NOP56: variants seen among roughly 807,000 people sequenced by gnomAD.
The protein encoded by NOP56 is nucleolar protein 56.
Under a neutral mutation model 58.3 loss-of-function variants are expected in NOP56, and 31 were observed. The ratio of observed to expected loss-of-function variants is 0.53; its 90% CI spans 0.40 to 0.72. The LOEUF is 0.72. Ranked by LOEUF, NOP56 falls within the 30% of genes least tolerant of loss-of-function variation. NOP56 has a pLI of 0.00. For synonymous variants in NOP56, 313 were observed against 282.8 expected, an observed-to-expected ratio of 1.11 and a Z score of -1.07; for missense variants, 669 against 739.9, an observed-to-expected ratio of 0.90 and a Z score of 1.11.
rs202001454 is a variant in NOP56 at position 2,657,332 on chromosome 20, C to A, written c.1419+114C>A. On this transcript the variant is annotated intron_variant, in intron 11 of 11. Transcript: ENST00000329276. ...TTGAGTCCAGGCTTTTGGACTGAAA[C>A]AAGGACCTGAAACATCTAAAACTAC... is the stretch of plus-strand genomic sequence containing the variant. 1.1e-3 allele frequency: 1,661 copies of A among 1,447,782 alleles called. 2 individuals are homozygous for A. Among genetic ancestry groups the A allele is most frequent in the Non-Finnish European group, 1.4e-3 (1,399 of 1,031,446 alleles). The allele number at this position is 1,447,782 out of a possible 1,614,324, so 89.7% of individuals were successfully genotyped here. A position where few individuals can be genotyped will look rare whatever the true frequency, so the allele number is the denominator to read the frequency against.
In NOP56 at chr20:2,653,326, T is replaced by G. The variant is rs769920013; in HGVS notation, c.141T>G (p.Arg47=). ...TGGGCAAATTCCACAGCATCGTTCG[T>G]CTGGTGGCCTTTTGTCCCTTTGCCT... The part of the protein sequence containing the change: ...LNLGKFHSIV[R]LVAFCPFASS... Residue 47 remains arginine, a synonymous_variant, in exon 3 of 12, where the codon CGT becomes CGG. Coordinates refer to ENST00000329276, the MANE Select transcript of NOP56 (RefSeq NM_006392.4). 6.2e-7 allele frequency: 1 copy of G among 1,614,080 alleles called. No individual in the cohort carries two copies. Among genetic ancestry groups the G allele is most frequent in the African/African-American group, 1.3e-5 (1 of 74,946 alleles).
In NOP56 at chr20:2,655,740, G is replaced by A. The variant is rs750766614; in HGVS notation, c.903G>A (p.Gly301=). Residue 301 remains glycine (G), a synonymous_variant, in exon 7 of 12, where the codon GGG becomes GGA. Transcript: ENST00000329276. ...CCCCCAGCCTGTCAGCCCTAATTGG[G>A]GAAGCGGTGCGTCACAGGGGACTCA... ...QVAPSLSALI[G]EAVGARLIAH... The A allele has an allele frequency of 2.5e-6, 4 of 1,614,070 alleles. No homozygotes were observed. In the East Asian group the frequency reaches 6.7e-5, roughly 27 times the overall value.
chr20:2,657,740 C>T, intron 11 of NOP56, 189 bp from the exon 12 acceptor site: 1 of 638,322 alleles, frequency 1.6e-6, no homozygotes, highest in East Asian at 2.7e-5. Context: ...GGTAATTTCT[C>T]ATGACATGTT....
In NOP56 at chr20:2,658,150, T is replaced by C. The variant is rs546429113; in HGVS notation, c.1641T>C (p.Pro547=). 4.0e-5 allele frequency: 64 copies of C among 1,613,598 alleles called. No individual in the cohort carries two copies. In the African/African-American group the frequency reaches 8.1e-4, roughly 21 times the overall value. The part of the protein sequence containing the change: ...STPKEETVND[P]EEAGHRSGSK... ...CCAAGGAGGAAACAGTTAATGACCC[T>C]GAGGAGGCAGGCCACAGAAGTGGCT... is the stretch of plus-strand genomic sequence containing the variant. The change falls in exon 12 of 12, where the codon CCT becomes CCC. Residue 547 remains proline (P), a synonymous_variant. Coordinates refer to ENST00000329276, the MANE Select transcript of NOP56 (RefSeq NM_006392.4).
Position 2,654,526 on chromosome 20 carries a change from G to C in NOP56, c.321G>C (p.Glu107Asp). The change falls in exon 4 of 12, where the codon GAG (glutamate) becomes GAC (aspartate). Residue 107 changes from glutamate to aspartate, a missense_variant. Coordinates refer to ENST00000329276, the MANE Select transcript of NOP56 (RefSeq NM_006392.4). Reference sequence around the variant, plus strand: ...AGATTGGTGCCGCAATACAGGAGGAGTTAGGGTACAACTGCCAGACTGGAG... The same window carrying C: ...AGATTGGTGCCGCAATACAGGAGGACTTAGGGTACAACTGCCAGACTGGAG... The part of the protein sequence containing the change: ...DPKIGAAIQE[E>D]LGYNCQTGGV... The C allele has an allele frequency of 6.2e-7, 1 of 1,614,258 alleles. No individual in the cohort carries two copies. Among genetic ancestry groups the C allele is most frequent in the Middle Eastern group, 1.6e-4 (1 of 6,062 alleles).
In NOP56 at chr20:2,658,311, C is replaced by T. The variant is rs1425435536; in HGVS notation, c.*17C>T. 1.2e-6 allele frequency: 2 copies of T among 1,600,150 alleles called. No individual in the cohort carries two copies. Among genetic ancestry groups the T allele is most frequent in the African/African-American group, 2.7e-5 (2 of 74,636 alleles). On this transcript the variant is annotated 3_prime_UTR_variant, in exon 12 of 12. Coordinates refer to ENST00000329276, the MANE Select transcript of NOP56 (RefSeq NM_006392.4). ...GAAGATTAGAATGCAAATGGACATT[C>T]TCTGGGAGGTGGGGCATACCATAGC...
At chr20:2,655,214 G>T (rs1194992621) in intron 5 of NOP56, 111 bp from the exon 6 acceptor site, 2 of 1,348,036 alleles carry the variant, frequency 1.5e-6, no homozygotes, top group African/African-American at 2.9e-5. Context: ...AGGAAGATTT[G>T]GATCTTTGTC....
Position 2,655,230 on chromosome 20 carries a change from TC to T in NOP56, c.570-93del, listed in dbSNP as rs758914430. The T allele has an allele frequency of 7.6e-6, 11 of 1,450,030 alleles. No homozygotes were observed. In the South Asian group the frequency reaches 1.3e-4, roughly 17 times the overall value. The allele number at this position is 1,450,030 out of a possible 1,614,324, so 89.8% of individuals were successfully genotyped here. On this transcript the variant is annotated intron_variant, in intron 5 of 11. Transcript: ENST00000329276. ...GGAAGATTTGGATCTTTGTCCCATT[TC>T]CTCCAGGCAGAGTAGGTGTGGAGAA...
chr20:2,656,036 TACCAGTGAGGGC>T lies in NOP56; in HGVS notation c.1010+6_1010+17del. The T allele has an allele frequency of 6.2e-7, 1 of 1,614,134 alleles. No individual in the cohort carries two copies. The highest frequency in any genetic ancestry group is 2.2e-5 in the East Asian group (1 of 44,884). On this transcript the variant is annotated splice_donor_5th_base_variant and intron_variant, in intron 8 of 11. Transcript: ENST00000329276. Reference sequence around the variant, plus strand: ...TGGGGCTGAAAAGGCCCTGTTCAGGTACCAGTGAGGGCACCTGCCCACAATCAGGTGCCACTT... The same window carrying T: ...TGGGGCTGAAAAGGCCCTGTTCAGGTACCTGCCCACAATCAGGTGCCACTT...
At position 2,657,175 on chromosome 20, in the gene NOP56, T is replaced by C; in HGVS notation, c.1376T>C (p.Leu459Pro). 6.2e-7 allele frequency: 1 copy of C among 1,614,098 alleles called. No individual in the cohort carries two copies. ...KEKKRLAALA[L>P]ASSENSSSTP... ...AAGAAACGGCTGGCTGCACTTGCCC[T>C]CGCGTCTTCAGAAAACAGCAGTAGT... Residue 459 changes from leucine (L) to proline (P), a missense_variant, in exon 11 of 12, where the codon CTC becomes CCC. Coordinates refer to ENST00000329276, the MANE Select transcript of NOP56 (RefSeq NM_006392.4).
chr20:2,655,925 T>C lies in NOP56; in HGVS notation c.910-9T>C, dbSNP rs762036035. 4 of 1,614,040 alleles carry C rather than the reference T, an allele frequency of 2.5e-6. No homozygotes were observed. Among genetic ancestry groups the C allele is most frequent in the Non-Finnish European group, 3.4e-6 (4 of 1,179,906 alleles). ...ATTTCTCTGACTGCTTCCTTGACTC[T>C]CTCTCCAGGTAGGTGCACGTCTCAT... On this transcript the variant is annotated splice_polypyrimidine_tract_variant and intron_variant, in intron 7 of 11. Coordinates refer to ENST00000329276, the MANE Select transcript of NOP56 (RefSeq NM_006392.4).
At chr20:2,652,703 G>C in intron 1 of NOP56, 40 bp downstream of exon 1, 2 of 1,475,170 alleles carry the variant, frequency 1.4e-6, no homozygotes, top group Non-Finnish European at 1.8e-6. Context: ...GCGACGGTGG[G>C]GGTTTCGGCC....
chr20:2,656,374 T>G (rs760404757), intron 8 of NOP56, 27 bp from the exon 9 acceptor site: 15 of 1,613,626 alleles, frequency 9.3e-6, no homozygotes, highest in Non-Finnish European at 3.4e-6. Flanking sequence ...TTTCTGATCT[T>G]AAACTCTCCA....
rs374848906 is a variant in NOP56, at chr20:2,654,595, T to G, written c.370+20T>G. The G allele has an allele frequency of 2.0e-5, 33 of 1,613,406 alleles. No individual in the cohort carries two copies. In the Admixed American group the frequency reaches 5.3e-4, roughly 26 times the overall value. ...TGCGAGGTGAGACCATCATCTGTTA[T>G]ATTCCTGTTATCCTGGACATTTTGG... On this transcript the variant is annotated intron_variant, in intron 4 of 11. Transcript: ENST00000329276.
At chr20:2,654,143 A>G (rs1432893352) in intron 3 of NOP56, 12 of 673,022 alleles carry the variant, frequency 1.8e-5, no homozygotes, top group Non-Finnish European at 2.8e-5. Context: ...GGTGTGTTAC[A>G]AGCTATTATT....
chr20:2,656,644 T>G, intron 9 of NOP56, 95 bp downstream of exon 9: 2 of 1,607,338 alleles, frequency 1.2e-6, no homozygotes, highest in Non-Finnish European at 1.7e-6. Context: ...GGCAATATTT[T>G]TCGTCAACAG....
At position 2,655,789 on chromosome 20, in the gene NOP56, G is replaced by C. The variant is rs778320098; in HGVS notation, c.909+43G>C. On this transcript the variant is annotated intron_variant, in intron 7 of 11. Coordinates refer to ENST00000329276, the MANE Select transcript of NOP56 (RefSeq NM_006392.4). ...CAAAAATGGGAGAATAAGGACTGTT[G>C]CCATGTGCACCTGCACTGCTGTATT... The C allele has an allele frequency of 3.7e-6, 6 of 1,613,774 alleles. No homozygotes were observed. The East Asian group carries it at 1.3e-4, about 36-fold the overall frequency.
chr20:2,655,845 C>T (rs1031790355), intron 7 of NOP56, 89 bp from the exon 8 acceptor site: 9 of 1,608,808 alleles, frequency 5.6e-6, no homozygotes, highest in Non-Finnish European at 6.8e-6. Flanking sequence ...CCTAGTTGTG[C>T]TTGATGGGGA....
chr20:2,653,440 G>C, intron 3 of NOP56, 47 bp downstream of exon 3: 1 of 1,505,078 alleles, frequency 6.6e-7, no homozygotes, highest in South Asian at 1.1e-5. Flanking sequence ...GGTTCCTTTC[G>C]GTATCCTCTC....
Sources: gnomAD v4.1 joint callset for allele counts on GRCh38, gnomAD v4.1.1 for gene constraint, MANE v1.5 for transcripts, NCBI Gene and HGNC (gene_info 2026-07-23, HGNC 2026-07-21) for gene names.